The following DMBX1 variants were observed in gnomAD, a reference collection of about 807,000 sequenced individuals.
DMBX1 encodes the protein diencephalon/mesencephalon homeobox 1.
Under a neutral mutation model 30.4 loss-of-function variants are expected in DMBX1, and 7 were observed. The ratio of observed to expected loss-of-function variants is 0.23; its 90% confidence interval spans 0.13 to 0.43. DMBX1 has a LOEUF of 0.43. Ranked by LOEUF, DMBX1 falls within the 20% of genes least tolerant of loss-of-function variation. DMBX1 has a pLI of 1.00. For missense variants in DMBX1, 460 were observed against 508.5 expected, an observed-to-expected ratio of 0.90 and a Z score of 0.92; for synonymous variants, 222 against 214.2, an observed-to-expected ratio of 1.04 and a Z score of -0.32.
chr1:46,495,565 T>C (rs1666011278), intron 2 of DMBX1, among the ~76,000 whole-genome samples: 1 of 152,170 alleles, frequency 6.6e-6, no homozygotes, highest in South Asian at 2.1e-4. Context: ...ATAATAGTTA[T>C]TTATTATAAA....
At chr1:46,494,551 C>T (rs1218611116) in intron 2 of DMBX1, among the ~76,000 whole-genome samples, 1 of 152,168 alleles carries the variant, frequency 6.6e-6, no homozygotes, top group East Asian at 1.9e-4. Context: ...TTCAAAGGGC[C>T]ACTGGCCGGT....
At position 46,510,314 on chromosome 1, in the gene DMBX1, A is replaced by G. The variant is rs1238527576; in HGVS notation, c.155-162A>G. Reference sequence around the variant, plus strand: ...GGAGAGACCTTGAAAGCCCACAGCCATATGGAGAGGGGATGGCTGATTTCT... The same window carrying G: ...GGAGAGACCTTGAAAGCCCACAGCCGTATGGAGAGGGGATGGCTGATTTCT... On this transcript the variant is annotated intron_variant, in intron 3 of 5. Coordinates refer to ENST00000360032, the MANE Select transcript of DMBX1 (RefSeq NM_172225.2). The surrounding 1 kb of genome is among the most constrained non-coding windows in gnomAD (Gnocchi z 4.1). The G allele has an allele frequency of 4.8e-6, 4 of 829,732 alleles. No individual in the cohort carries two copies. Among genetic ancestry groups the G allele is most frequent in the Non-Finnish European group, 7.3e-6 (4 of 546,126 alleles). The allele number at this position is 829,732 out of a possible 1,614,324, so 51.4% of individuals were successfully genotyped here.
In DMBX1 at chr1:46,515,030, G is replaced by A. The variant is rs78060027; in HGVS notation, c.*2536G>A. Among the ~76,000 whole-genome samples, 9,295 of 152,064 alleles carry A rather than the reference G, an allele frequency of 0.061. 729 individuals are homozygous for A. Among genetic ancestry groups the A allele is most frequent in the African/African-American group, 0.18 (7,558 of 41,348 alleles). ...TAAAGACCACACCTACATGTGGCAA[G>A]CACCAAGACAGGCATTTGAGGGTTT... On this transcript the variant is annotated 3_prime_UTR_variant, in exon 6 of 6. Transcript: ENST00000360032.
chr1:46,491,510 T>A lies in DMBX1; in HGVS notation c.-13+727T>A, dbSNP rs1665928361. Among the ~76,000 whole-genome samples, 1 of 152,178 alleles carries A rather than the reference T, an allele frequency of 6.6e-6. No homozygotes were observed. The stretch of plus-strand genomic sequence containing the variant: ...CGTTGGGGAAAGAGGAGGGCTTTAT[T>A]GACTTGATGGACCTTGGAGGAAAGG... On this transcript the variant is annotated intron_variant, in intron 2 of 5. Transcript: ENST00000360032. The surrounding 1 kb of genome is among the most constrained non-coding windows in gnomAD (Gnocchi z 5.5).
At chr1:46,501,213 C>CCTTCCTTCCTTCCTTTCTTTCTTT (rs1179560561) in intron 2 of DMBX1, among the ~76,000 whole-genome samples, 23 of 74,542 alleles carry the variant, frequency 3.1e-4, no homozygotes, top group Middle Eastern at 6.0e-3. Flanking sequence ...TTCCTTCCTT[C>CCTTCCTTCCTTCCTTTCTTTCTTT]CTTTCTTTCT....
chr1:46,510,529 C>T lies in DMBX1; in HGVS notation c.208C>T (p.Arg70Cys), dbSNP rs369165822. The T allele has an allele frequency of 1.9e-6, 3 of 1,614,020 alleles. No homozygotes were observed. Among genetic ancestry groups the T allele is most frequent in the African/African-American group, 1.3e-5 (1 of 74,928 alleles). ...GSQHRKQRRS[R>C]TAFTAQQLEA... ...CCAGCACCGCAAACAACGTCGCAGCCGCACAGCGTTCACGGCTCAGCAGCT... is the reference window on the plus strand; with the variant it reads ...CCAGCACCGCAAACAACGTCGCAGCTGCACAGCGTTCACGGCTCAGCAGCT... The change falls in exon 4 of 6, where the codon CGC becomes TGC. Residue 70 changes from arginine to cysteine, a missense_variant. By Grantham distance (180) the Arg-to-Cys change is radical. This residue lies in a region of DMBX1 where 124 missense variants were observed against 144.0 expected (regional missense o/e 0.86). Coordinates refer to ENST00000360032, the MANE Select transcript of DMBX1 (RefSeq NM_172225.2). This position sits in a 1 kb window ranked among gnomAD's most constrained non-coding sequence, Gnocchi z 4.1.
chr1:46,505,468 G>A (rs1278818078), intron 2 of DMBX1, among the ~76,000 whole-genome samples: 2 of 140,806 alleles, frequency 1.4e-5, no homozygotes, highest in Non-Finnish European at 3.1e-5. Flanking sequence ...GATGAAATTG[G>A]AAATCATCAT....
intron 2 of DMBX1, among the ~76,000 whole-genome samples, chr1:46,501,213 C>CCTTCCTTTCTTTCTTTCTTTCTTT (rs1179560561): frequency 9.4e-5 from 7 of 74,484 alleles, no homozygotes; most frequent in Admixed American, 6.2e-4. Flanking sequence ...TTCCTTCCTT[C>CCTTCCTTTCTTTCTTTCTTTCTTT]CTTTCTTTCT....
chr1:46,511,944 TGTC>T (rs2148491955), intron 5 of DMBX1, 96 bp from the exon 6 acceptor site: 1 of 1,213,292 alleles, frequency 8.2e-7, no homozygotes, highest in East Asian at 2.3e-5. Flanking sequence ...AAGCCTGTCT[TGTC>T]TATAGTGCCA....
intron 2 of DMBX1, among the ~76,000 whole-genome samples, chr1:46,501,203 TTCCTTC>T (rs1666120726): frequency 1.4e-5 from 1 of 73,346 alleles, no homozygotes; most frequent in African/African-American, 6.6e-5. Context: ...CCTTCCTTCC[TTCCTTC>T]CTTCCTTTCT....
intron 2 of DMBX1, among the ~76,000 whole-genome samples, chr1:46,504,811 G>A (rs1666200929): frequency 6.7e-6 from 1 of 150,360 alleles, no homozygotes; most frequent in Non-Finnish European, 1.5e-5. Flanking sequence ...TGGGCAGTAT[G>A]GCCATTTTCA....
intron 1 of DMBX1, among the ~76,000 whole-genome samples, 183 bp from the exon 2 acceptor site, chr1:46,490,461 A>G (rs899109479): frequency 1.0e-4 from 15 of 147,124 alleles, no homozygotes; most frequent in African/African-American, 3.8e-4. Context: ...CGTAATGCGG[A>G]CCAGATGCGG....
Position 46,514,675 on chromosome 1 carries a change from C to T in DMBX1, c.*2181C>T, listed in dbSNP as rs990501690. On this transcript the variant is annotated 3_prime_UTR_variant, in exon 6 of 6. Coordinates refer to ENST00000360032, the MANE Select transcript of DMBX1 (RefSeq NM_172225.2). ...CAACTCTTGGTGGCTCACCACTGAA[C>T]ACTCCAAACCCTGCTTAAAGAAGTT... 2.2e-4 allele frequency among the ~76,000 whole-genome samples: 34 copies of T among 152,142 alleles called. No individual in the cohort carries two copies. Among genetic ancestry groups the T allele is most frequent in the African/African-American group, 8.0e-4 (33 of 41,416 alleles).
In DMBX1 at chr1:46,493,455, C is replaced by T. The variant is rs1665968956; in HGVS notation, c.-13+2672C>T. Among the ~76,000 whole-genome samples the T allele has an allele frequency of 6.6e-6, 1 of 152,230 alleles. No individual in the cohort carries two copies. Among genetic ancestry groups the T allele is most frequent in the Non-Finnish European group, 1.5e-5 (1 of 68,040 alleles). ...TCCGTTCTTCCAAGCTTATTTGACT[C>T]TGCCCCAGTGTTGCCTGATGGGTGG... On this transcript the variant is annotated intron_variant, in intron 2 of 5. Transcript: ENST00000360032. The surrounding 1 kb of genome is among the most constrained non-coding windows in gnomAD (Gnocchi z 4.1).
At chr1:46,499,092 A>G (rs547603083) in intron 2 of DMBX1, among the ~76,000 whole-genome samples, 1 of 150,734 alleles carries the variant, frequency 6.6e-6, no homozygotes, top group East Asian at 1.9e-4. Context: ...CCCAGGCTGC[A>G]GTGGCGCGAT....
At chr1:46,495,448 A>G (rs2148481582) in intron 2 of DMBX1, among the ~76,000 whole-genome samples, 1 of 152,226 alleles carries the variant, frequency 6.6e-6, no homozygotes, top group East Asian at 1.9e-4. Context: ...TGGACAAGTG[A>G]TTTTACTTCT....
At chr1:46,498,918 C>A (rs1569883484) in intron 2 of DMBX1, among the ~76,000 whole-genome samples, 2 of 152,184 alleles carry the variant, frequency 1.3e-5, no homozygotes, top group Admixed American at 1.3e-4. Context: ...GGAGTATGAG[C>A]TGGAGGGAGA....
At chr1:46,504,068 T>G (rs1666184952) in intron 2 of DMBX1, among the ~76,000 whole-genome samples, 1 of 152,196 alleles carries the variant, frequency 6.6e-6, no homozygotes. Context: ...GTTGTTTGTT[T>G]TTTTCTTGTA....
At chr1:46,498,862 C>T (rs1458988700) in intron 2 of DMBX1, among the ~76,000 whole-genome samples, 1 of 152,120 alleles carries the variant, frequency 6.6e-6, no homozygotes, top group Non-Finnish European at 1.5e-5. Flanking sequence ...CCTCTATGGC[C>T]TCAGAGGAGA....
Sources: gnomAD v4.1 joint callset for allele counts (sites outside exome capture counted in the v4.1 genomes callset) on GRCh38, gnomAD v4.1.1 for gene constraint, gnomAD v4.1.1 regional missense constraint, Gnocchi (gnomAD v3.1) non-coding constraint, MANE v1.5 for transcripts, NCBI Gene and HGNC (gene_info 2026-07-23, HGNC 2026-07-21) for gene names.